Variants in RTN1 observed in about 807,000 individuals in gnomAD.
The protein encoded by RTN1 is reticulon-1.
In RTN1, 25 loss-of-function variants were observed where a neutral mutation model predicts 65.5. That is an observed-to-expected ratio of 0.38 (90% CI 0.28 to 0.53). RTN1 has a LOEUF of 0.53. Ranked by LOEUF, RTN1 falls within the 20% of genes least tolerant of loss-of-function variation. The pLI is 0.79. For synonymous variants in RTN1, 471 were observed against 447.6 expected (o/e 1.05, Z -0.66); for missense variants, 983 against 1,025.4 (o/e 0.96, Z 0.57).
chr14:59,662,151 GCTTT>G (rs920459393), intron 3 of RTN1, among the ~76,000 whole-genome samples: 2 of 145,738 alleles, frequency 1.4e-5, no homozygotes, highest in African/African-American at 5.2e-5. Flanking sequence ...GTGAAATCCA[GCTTT>G]CTTTTTTCTT....
At chr14:59,793,666 A>ACG (rs1566729156) in intron 1 of RTN1, among the ~76,000 whole-genome samples, 1 of 151,994 alleles carries the variant, frequency 6.6e-6, no homozygotes, top group Non-Finnish European at 1.5e-5. Flanking sequence ...ACACACACAC[A>ACG]CACACAGAGT....
chr14:59,776,441 C>T (rs1002680128), intron 1 of RTN1, among the ~76,000 whole-genome samples: 2 of 152,122 alleles, frequency 1.3e-5, no homozygotes, highest in Non-Finnish European at 1.5e-5. Context: ...AAAGCCTTCA[C>T]CAAATGCAGG....
intron 1 of RTN1, among the ~76,000 whole-genome samples, chr14:59,862,566 C>A (rs1383792051): frequency 1.3e-5 from 2 of 152,222 alleles, no homozygotes; most frequent in Non-Finnish European, 2.9e-5. Flanking sequence ...CTGCTTATGT[C>A]ATCTTTTTAC....
intron 1 of RTN1, among the ~76,000 whole-genome samples, chr14:59,763,740 C>G (rs992553660): frequency 6.6e-6 from 1 of 151,980 alleles, no homozygotes; most frequent in African/African-American, 2.4e-5. Flanking sequence ...ACTGTGTTAG[C>G]CAGGAAGGTC....
chr14:59,865,221 T>C (rs1887778036), intron 1 of RTN1, among the ~76,000 whole-genome samples: 1 of 152,140 alleles, frequency 6.6e-6, no homozygotes, highest in African/African-American at 2.4e-5. Context: ...GTCAAATATA[T>C]TGGTTTATAA....
chr14:59,635,178 AG>A (rs1268433571), intron 3 of RTN1, among the ~76,000 whole-genome samples: 1 of 152,230 alleles, frequency 6.6e-6, no homozygotes, highest in East Asian at 1.9e-4. Flanking sequence ...AATCAAAGGC[AG>A]ATTACCTCAG....
chr14:59,820,525 A>C (rs1886925171), intron 1 of RTN1, among the ~76,000 whole-genome samples: 1 of 151,956 alleles, frequency 6.6e-6, no homozygotes, highest in South Asian at 2.1e-4. Flanking sequence ...AGGTTTTTAT[A>C]GTTTTAGGTC....
At chr14:59,866,889 G>C (rs1002270445) in intron 1 of RTN1, among the ~76,000 whole-genome samples, 4 of 152,170 alleles carry the variant, frequency 2.6e-5, no homozygotes, top group Non-Finnish European at 5.9e-5. Flanking sequence ...ATGGAATTTA[G>C]AAGATGTTTT....
intron 1 of RTN1, among the ~76,000 whole-genome samples, chr14:59,837,746 C>A (rs1887238067): frequency 6.9e-6 from 1 of 144,926 alleles, no homozygotes; most frequent in South Asian, 2.2e-4. Context: ...ATAATAATAT[C>A]CATTTTTTTT....
intron 1 of RTN1, among the ~76,000 whole-genome samples, chr14:59,819,414 A>ACCCCCCCCCCC (rs1566737477): frequency 9.4e-5 from 3 of 31,862 alleles, no homozygotes; most frequent in East Asian, 1.2e-3. Context: ...CACCACCACC[A>ACCCCCCCCCCC]CCCCCCCCCC....
chr14:59,604,241 A>T (rs1881673290), intron 5 of RTN1: 1 of 172,550 alleles, frequency 5.8e-6, no homozygotes, highest in Admixed American at 5.7e-5. Context: ...GTTCAAATAA[A>T]ATCAAAACAA....
intron 1 of RTN1, among the ~76,000 whole-genome samples, chr14:59,858,411 T>C (rs150285506): frequency 9.1e-4 from 138 of 152,228 alleles, no homozygotes; most frequent in African/African-American, 3.2e-3. Flanking sequence ...TTCTATTCCT[T>C]TGCTTGTCAA....
chr14:59,801,363 T>C (rs977432286), intron 1 of RTN1, among the ~76,000 whole-genome samples: 1 of 151,994 alleles, frequency 6.6e-6, no homozygotes, highest in Non-Finnish European at 1.5e-5. Context: ...GGAAAAAGAA[T>C]CATTACAGAC....
chr14:59,810,148 T>A (rs922695191), intron 1 of RTN1, among the ~76,000 whole-genome samples: 5 of 152,174 alleles, frequency 3.3e-5, no homozygotes, highest in African/African-American at 1.2e-4. Context: ...AATGTTTGTA[T>A]AGCAACAGCC....
At chr14:59,778,322 T>G (rs547722531) in intron 1 of RTN1, among the ~76,000 whole-genome samples, 1 of 152,226 alleles carries the variant, frequency 6.6e-6, no homozygotes, top group Non-Finnish European at 1.5e-5. Flanking sequence ...CATGGCATAT[T>G]GTAAGCTATG....
chr14:59,834,545 C>G (rs919199276), intron 1 of RTN1, among the ~76,000 whole-genome samples: 1 of 152,002 alleles, frequency 6.6e-6, no homozygotes, highest in Admixed American at 6.5e-5. Flanking sequence ...AAATGGGTAA[C>G]AGTTTTGAAC....
At chr14:59,698,037 G>C (rs1884100172) in intron 3 of RTN1, among the ~76,000 whole-genome samples, 1 of 152,128 alleles carries the variant, frequency 6.6e-6, no homozygotes, top group South Asian at 2.1e-4. Flanking sequence ...GAAGACTCAA[G>C]GTTAATATGA....
intron 3 of RTN1, among the ~76,000 whole-genome samples, chr14:59,635,687 T>C (rs1391954133): frequency 1.3e-5 from 2 of 152,000 alleles, no homozygotes; most frequent in African/African-American, 2.4e-5. Flanking sequence ...AATAAATAAA[T>C]TGCATAAACT....
chr14:59,755,333 T>A (rs1170188660), intron 1 of RTN1, among the ~76,000 whole-genome samples: 1 of 152,182 alleles, frequency 6.6e-6, no homozygotes, highest in African/African-American at 2.4e-5. Flanking sequence ...ATAGGGGACA[T>A]TAGTCCTATT....
Sources: allele counts gnomAD v4.1 joint callset (sites outside exome capture counted in the v4.1 genomes callset), GRCh38; gene constraint gnomAD v4.1.1; transcripts MANE v1.5; gene names NCBI Gene and HGNC (gene_info 2026-07-23, HGNC 2026-07-21).